SYT7: variants seen among roughly 807,000 people sequenced by gnomAD.
SYT7 encodes synaptotagmin 7, also known as synaptotagmin-7.
Under a neutral mutation model 75.1 loss-of-function variants are expected in SYT7, and 29 were observed. That is an observed-to-expected ratio of 0.39 (90% CI 0.29 to 0.53). The LOEUF (loss-of-function observed/expected upper bound fraction) is 0.53, where lower values mean the gene tolerates loss of function less well. Ranked by LOEUF, SYT7 falls within the 20% of genes least tolerant of loss-of-function variation. The pLI, the probability that SYT7 is intolerant of heterozygous loss-of-function variation, is 0.77. For synonymous variants in SYT7, 376 were observed against 401.7 expected, an observed-to-expected ratio of 0.94 and a Z score of 0.76; for missense variants, 693 against 953.2, an observed-to-expected ratio of 0.73 and a Z score of 3.59.
At chr11:61,573,218 A>T (rs543401983) in intron 1 of SYT7, among the ~76,000 whole-genome samples, 15 of 152,130 alleles carry the variant, frequency 9.9e-5, no homozygotes, top group Non-Finnish European at 1.8e-4. Flanking sequence ...TACAGAACAA[A>T]TCCTCAAAAG....
chr11:61,518,490 TG>T lies in SYT7; in HGVS notation c.*136del. The T allele has an allele frequency of 1.8e-6, 1 of 564,610 alleles. No homozygotes were observed. Among genetic ancestry groups the T allele is most frequent in the Non-Finnish European group, 3.0e-6 (1 of 331,848 alleles). The allele number at this position is 564,610 out of a possible 1,614,324, so 35.0% of individuals were successfully genotyped here. A position where few individuals can be genotyped will look rare whatever the true frequency, so the allele number is the denominator to read the frequency against. Reference sequence around the variant, plus strand: ...CTAGAAACGGGGCCCAGTTGAGTCCTGGGACCCCTCCCTGGCTGAGCCCTCA... The same window carrying T: ...CTAGAAACGGGGCCCAGTTGAGTCCTGGACCCCTCCCTGGCTGAGCCCTCA... On this transcript the variant is annotated 3_prime_UTR_variant, in exon 13 of 13. Transcript: ENST00000539008.
At position 61,530,297 on chromosome 11, in the gene SYT7, G is replaced by A. The variant is rs2062665672; in HGVS notation, c.1201-2112C>T. On this transcript the variant is annotated intron_variant, in intron 8 of 12. Transcript: ENST00000539008. The stretch of plus-strand genomic sequence containing the variant: ...GTTGGGGGCACCGAGCTGCCTTACA[G>A]CAGAAGATGTTCCCTCCAGCCCCCA... Among the ~76,000 whole-genome samples the A allele has an allele frequency of 3.3e-5, 5 of 152,312 alleles. No individual in the cohort carries two copies. The South Asian group carries it at 1.0e-3, about 32-fold the overall frequency.
At position 61,542,105 on chromosome 11, in the gene SYT7, A is replaced by G; in HGVS notation, c.941+106T>C. On this transcript the variant is annotated intron_variant, in intron 6 of 12. Transcript: ENST00000539008. The surrounding 1 kb of genome is among the most constrained non-coding windows in gnomAD (Gnocchi z 7.8). Reference sequence around the variant, plus strand: ...GTCTGCTTGGCACCCTGCCAAGGGGATGGAGGGCCGGGAGGTACACACAAC... The same window carrying G: ...GTCTGCTTGGCACCCTGCCAAGGGGGTGGAGGGCCGGGAGGTACACACAAC... 1 of 1,403,236 alleles carries G rather than the reference A, an allele frequency of 7.1e-7. No individual in the cohort carries two copies. Among genetic ancestry groups the G allele is most frequent in the Non-Finnish European group, 9.4e-7 (1 of 1,067,040 alleles). The allele number at this position is 1,403,236 out of a possible 1,614,324, so 86.9% of individuals were successfully genotyped here.
At chr11:61,567,270 C>G (rs2063795116) in intron 1 of SYT7, among the ~76,000 whole-genome samples, 1 of 152,150 alleles carries the variant, frequency 6.6e-6, no homozygotes, top group African/African-American at 2.4e-5. Flanking sequence ...ATTCCCTCTA[C>G]GAGATGCCGT....
rs146959919 is a variant in SYT7 at position 61,520,706 on chromosome 11, C to T, written c.1957-1975G>A. Among the ~76,000 whole-genome samples, 678 of 152,232 alleles carry T rather than the reference C, an allele frequency of 4.5e-3. 4 individuals carry two copies. The highest frequency in any genetic ancestry group is 0.01 in the Middle Eastern group (3 of 294). ...AGCATGGTGGCAGATGCCTGTAATC[C>T]CAGCTACTTGGGAGGCTGAGGCAGG... On this transcript the variant is annotated intron_variant, in intron 12 of 12. Coordinates refer to ENST00000539008, the MANE Select transcript of SYT7 (RefSeq NM_001365809.2).
chr11:61,555,558 G>C (rs1565196579), intron 2 of SYT7, among the ~76,000 whole-genome samples: 3 of 152,168 alleles, frequency 2.0e-5, no homozygotes, highest in African/African-American at 7.2e-5. Context: ...CCCAGCCCTC[G>C]TTAAAAATGA....
chr11:61,553,033 C>T lies in SYT7; in HGVS notation c.136-1570G>A, dbSNP rs2135324122. 6.6e-6 allele frequency among the ~76,000 whole-genome samples: 1 copy of T among 152,310 alleles called. No homozygotes were observed. Among genetic ancestry groups the T allele is most frequent in the East Asian group, 1.9e-4 (1 of 5,178 alleles). On this transcript the variant is annotated intron_variant, in intron 2 of 12. Coordinates refer to ENST00000539008, the MANE Select transcript of SYT7 (RefSeq NM_001365809.2). This position sits in a 1 kb window ranked among gnomAD's most constrained non-coding sequence, Gnocchi z 5.2. ...CTCAGAAATCATCACCTGGAAGTGT[C>T]CCTTCTATGGCCCCGCCCACCCTGG...
upstream of SYT7, among the ~76,000 whole-genome samples, chr11:61,583,029 C>A (rs2064315280): frequency 6.6e-6 from 1 of 151,986 alleles, no homozygotes; most frequent in Non-Finnish European, 1.5e-5. Context: ...GGAGTTGAGA[C>A]CAGCCTGAGC....
Position 61,516,000 on chromosome 11 carries a change from C to T in SYT7, c.*2627G>A, listed in dbSNP as rs1367367179. ...GGTGATGGTGGCCTCACAACCTCCC[C>T]TATGAGGTAGGTGAAGTATTATTAC... On this transcript the variant is annotated 3_prime_UTR_variant, in exon 13 of 13. Transcript: ENST00000539008. The T allele has an allele frequency of 1.3e-5, 2 of 152,638 alleles. No individual in the cohort carries two copies. The highest frequency in any genetic ancestry group is 2.4e-5 in the African/African-American group (1 of 41,428). 9.5% of individuals were successfully genotyped at this position (152,638 alleles called of 1,614,324 possible).
In SYT7 at chr11:61,527,891, G is replaced by C. The variant is rs201899119; in HGVS notation, c.1471+24C>G. 8.1e-6 allele frequency: 13 copies of C among 1,610,550 alleles called. 1 individual carries two copies. Among genetic ancestry groups the C allele is most frequent in the Middle Eastern group, 1.7e-4 (1 of 6,040 alleles). ...GTAGACAGCAAGAGGTGACCATGGCGGGGGAAGGTGGCACTAGACTCACCT... is the reference window on the plus strand; with the variant it reads ...GTAGACAGCAAGAGGTGACCATGGCCGGGGAAGGTGGCACTAGACTCACCT... On this transcript the variant is annotated intron_variant, in intron 9 of 12. Transcript: ENST00000539008.
At chr11:61,561,640 C>T (rs1472834739) in intron 1 of SYT7, among the ~76,000 whole-genome samples, 2 of 152,128 alleles carry the variant, frequency 1.3e-5, no homozygotes, top group African/African-American at 2.4e-5. Flanking sequence ...ATTCCCAGCA[C>T]CAACGGTGGA....
intron 1 of SYT7, among the ~76,000 whole-genome samples, chr11:61,579,326 G>A (rs973944400): frequency 1.3e-5 from 2 of 152,244 alleles, no homozygotes; most frequent in African/African-American, 4.8e-5. Context: ...GAAGATGCCA[G>A]GGTAGGTGAC....
intron 1 of SYT7, among the ~76,000 whole-genome samples, chr11:61,565,584 T>C (rs2063745050): frequency 6.6e-6 from 1 of 151,930 alleles, no homozygotes; most frequent in East Asian, 1.9e-4. Context: ...AAAAACAAAT[T>C]GAGATAGGCG....
At chr11:61,575,498 C>T (rs990703507) in intron 1 of SYT7, among the ~76,000 whole-genome samples, 5 of 152,306 alleles carry the variant, frequency 3.3e-5, no homozygotes, top group South Asian at 4.1e-4. Flanking sequence ...AGCCCCACAC[C>T]GTCATGGAAA....
At position 61,518,029 on chromosome 11, in the gene SYT7, G is replaced by C. The variant is rs79712007; in HGVS notation, c.*598C>G. 1 of 161,908 alleles carries C rather than the reference G, an allele frequency of 6.2e-6. No homozygotes were observed. The highest frequency in any genetic ancestry group is 6.5e-5 in the Admixed American group (1 of 15,494). 10.0% of individuals were successfully genotyped at this position (161,908 alleles called of 1,614,324 possible). On this transcript the variant is annotated 3_prime_UTR_variant, in exon 13 of 13. Coordinates refer to ENST00000539008, the MANE Select transcript of SYT7 (RefSeq NM_001365809.2). ...ACCTGCCTTCTCTGTATAGTCCTCC[G>C]CATTTCCAGGCCTCTGTCCCCACGC... is the stretch of plus-strand genomic sequence containing the variant.
chr11:61,521,572 G>A (rs879716673), intron 12 of SYT7, among the ~76,000 whole-genome samples: 1 of 152,202 alleles, frequency 6.6e-6, no homozygotes, highest in Admixed American at 6.5e-5. Context: ...CTGATGGCAA[G>A]CAGGGGAAGC....
intron 1 of SYT7, among the ~76,000 whole-genome samples, chr11:61,572,429 C>T (rs1419392658): frequency 6.6e-6 from 1 of 152,160 alleles, no homozygotes. Flanking sequence ...GGCTTAGAGC[C>T]TAGTAGGATA....
At chr11:61,582,584 C>A (rs2064303211), upstream of SYT7, among the ~76,000 whole-genome samples, 1 of 152,152 alleles carries the variant, frequency 6.6e-6, no homozygotes, top group Non-Finnish European at 1.5e-5. Flanking sequence ...TAAGGAAGTT[C>A]CCCCAGCAAA....
At chr11:61,543,088 C>CT (rs545795935) in intron 5 of SYT7, among the ~76,000 whole-genome samples, 90 of 152,336 alleles carry the variant, frequency 5.9e-4, no homozygotes, top group African/African-American at 2.0e-3. Context: ...CAGAGCTGGC[C>CT]TAGTAATCCT....
Sources: gnomAD v4.1 joint callset for allele counts (sites outside exome capture counted in the v4.1 genomes callset) on GRCh38, gnomAD v4.1.1 for gene constraint, Gnocchi (gnomAD v3.1) non-coding constraint, MANE v1.5 for transcripts, NCBI Gene and HGNC (gene_info 2026-07-23, HGNC 2026-07-21) for gene names.